The following RBM26 variants were observed in gnomAD, a reference collection of about 807,000 sequenced individuals.
RBM26 encodes the protein RNA-binding protein 26.
In RBM26, 30 loss-of-function variants were observed where a neutral mutation model predicts 123.6. The ratio of observed to expected loss-of-function variants is 0.24; its 90% CI spans 0.18 to 0.33. RBM26 has a LOEUF of 0.33. Among genes scored for constraint, RBM26 ranks in the 10% least tolerant of loss-of-function variants. The pLI, the probability that RBM26 is intolerant of heterozygous loss-of-function variation, is 1.00. For synonymous variants in RBM26, 400 were observed against 404.4 expected (o/e 0.99, Z 0.13); for missense variants, 947 against 1,203.6 (o/e 0.79, Z 3.15).
chr13:79,350,814 C>T (rs918484137), intron 14 of RBM26, among the ~76,000 whole-genome samples: 1 of 152,030 alleles, frequency 6.6e-6, no homozygotes, highest in Non-Finnish European at 1.5e-5. Flanking sequence ...CTTTGAATCA[C>T]TGCCCTGTAA....
chr13:79,400,852 G>A lies in RBM26; in HGVS notation c.71+4852C>T, dbSNP rs183680198. Among the ~76,000 whole-genome samples, 77 of 152,264 alleles carry A rather than the reference G, an allele frequency of 5.1e-4. 1 individual carries two copies. The Middle Eastern group carries it at 0.01, about 20-fold the overall frequency. Reference sequence around the variant, plus strand: ...ATTTTGGTTGTAATTATATTACAACGAAGAAATTCTATTCCAAGACATTAA... The same window carrying A: ...ATTTTGGTTGTAATTATATTACAACAAAGAAATTCTATTCCAAGACATTAA... On this transcript the variant is annotated intron_variant, in intron 1 of 21. Transcript: ENST00000438737.
At chr13:79,345,073 C>T (rs2072085701) in intron 14 of RBM26, among the ~76,000 whole-genome samples, 1 of 152,036 alleles carries the variant, frequency 6.6e-6, no homozygotes, top group Non-Finnish European at 1.5e-5. Context: ...ATTACTATTA[C>T]TACATCACTG....
rs751961766 is a variant in RBM26 at position 79,378,792 on chromosome 13, T to G, written c.187A>C (p.Lys63Gln). 1 of 1,556,480 alleles carries G rather than the reference T, an allele frequency of 6.4e-7. No homozygotes were observed. Among genetic ancestry groups the G allele is most frequent in the Non-Finnish European group, 8.8e-7 (1 of 1,134,066 alleles). Residue 63 changes from lysine (K) to glutamine (Q), a missense_variant, in exon 2 of 22, where the codon AAA (lysine) becomes CAA (glutamine). Around this residue, in one of 5 missense-constraint regions of RBM26, gnomAD observed 275 missense variants for 361.0 expected, o/e 0.76. Coordinates refer to ENST00000438737, the MANE Select transcript of RBM26 (RefSeq NM_001366735.2). ...CIDQLDVFLQKETQIFVEKLF... is the reference protein window; with the variant it reads ...CIDQLDVFLQQETQIFVEKLF... Reference sequence around the variant, plus strand: ...ATTTTTAAACCAAAGATCTTACCTTTCTGAAGAAATACATCCAGCTGATCA... The same window carrying G: ...ATTTTTAAACCAAAGATCTTACCTTGCTGAAGAAATACATCCAGCTGATCA...
Position 79,354,544 on chromosome 13 carries a change from GGGCTGCTGGACTAAA to G in RBM26, c.1866_1880del (p.Leu623_Pro627del). 1 of 1,604,928 alleles carries G rather than the reference GGGCTGCTGGACTAAA, an allele frequency of 6.2e-7. No homozygotes were observed. The highest frequency in any genetic ancestry group is 8.5e-7 in the Non-Finnish European group (1 of 1,173,972). On this transcript the variant is annotated inframe_deletion, in exon 13 of 22. Transcript: ENST00000438737. ...CTGACTGCTTCACAACAGGCAAAATGGGCTGCTGGACTAAAGGCTGCATTACCTCAGAACAAGGAA... is the reference window on the plus strand; with the variant it reads ...CTGACTGCTTCACAACAGGCAAAATGGGCTGCATTACCTCAGAACAAGGAA...
At chr13:79,362,661 G>A (rs774483503) in intron 9 of RBM26, among the ~76,000 whole-genome samples, 3 of 152,156 alleles carry the variant, frequency 2.0e-5, no homozygotes, top group Non-Finnish European at 4.4e-5. Flanking sequence ...TGTCTCCCAA[G>A]TCTGGTTCAC....
intron 20 of RBM26, among the ~76,000 whole-genome samples, chr13:79,324,849 T>C (rs1357728024): frequency 6.6e-6 from 1 of 152,000 alleles, no homozygotes; most frequent in African/African-American, 2.4e-5. Context: ...GCTGTCTTTT[T>C]TCCAAATAGC....
chr13:79,396,434 T>C (rs1472050015), intron 1 of RBM26, among the ~76,000 whole-genome samples: 1 of 152,102 alleles, frequency 6.6e-6, no homozygotes, highest in East Asian at 1.9e-4. Context: ...AAAGGAAGCA[T>C]CACAATAAAT....
chr13:79,320,352 C>A lies in RBM26; in HGVS notation c.*269G>T. On this transcript the variant is annotated 3_prime_UTR_variant, in exon 22 of 22. Transcript: ENST00000438737. ...TAAATTACAAAGAACCCAAAGAATT[C>A]TGTGATGTCCAGTAGAAGTATGTAA... 1.9e-6 allele frequency: 2 copies of A among 1,055,708 alleles called. No individual in the cohort carries two copies. Among genetic ancestry groups the A allele is most frequent in the Non-Finnish European group, 2.3e-6 (2 of 874,100 alleles). 65.4% of individuals were successfully genotyped at this position (1,055,708 alleles called of 1,614,324 possible).
chr13:79,391,955 A>G (rs1254341536), intron 1 of RBM26, among the ~76,000 whole-genome samples: 1 of 146,866 alleles, frequency 6.8e-6, no homozygotes, highest in Non-Finnish European at 1.5e-5. Context: ...ATTATACAAG[A>G]ATACATAATT....
intron 13 of RBM26, 65 bp downstream of exon 13, chr13:79,354,374 A>T: frequency 7.7e-7 from 1 of 1,294,850 alleles, no homozygotes; most frequent in South Asian, 2.4e-5. Context: ...TATAATTCAA[A>T]TCACCAAGGG....
At chr13:79,391,541 A>C (rs554672406) in intron 1 of RBM26, among the ~76,000 whole-genome samples, 9 of 152,218 alleles carry the variant, frequency 5.9e-5, no homozygotes, top group African/African-American at 2.2e-4. Context: ...CTCCTGCTTC[A>C]GCTTCCCCTG....
rs763682411 is a variant in RBM26, at chr13:79,358,315, T to C, written c.1648A>G (p.Asn550Asp). The C allele has an allele frequency of 6.2e-7, 1 of 1,610,262 alleles. No homozygotes were observed. Among genetic ancestry groups the C allele is most frequent in the Non-Finnish European group, 8.5e-7 (1 of 1,178,842 alleles). The change falls in exon 11 of 22, where the codon AAT becomes GAT. Residue 550 changes from asparagine to aspartate, a missense_variant. Asn to Asp is a conservative substitution (Grantham distance 23). This residue lies in a region of RBM26 where 493 missense variants were observed against 563.1 expected (regional missense o/e 0.88). Transcript: ENST00000438737. ...PPELNNISKL[N>D]EHFSRFGTLV... ...GTTCCAAATCGACTAAAATGTTCATTAAGTTTGCTGATATTATTTAATTCT... is the reference window on the plus strand; with the variant it reads ...GTTCCAAATCGACTAAAATGTTCATCAAGTTTGCTGATATTATTTAATTCT...
At chr13:79,343,604 G>C (rs1337086681) in intron 16 of RBM26, among the ~76,000 whole-genome samples, 1 of 151,738 alleles carries the variant, frequency 6.6e-6, no homozygotes, top group East Asian at 1.9e-4. Context: ...ATAAATTAGA[G>C]TAACTCAGTC....
intron 20 of RBM26, among the ~76,000 whole-genome samples, chr13:79,325,376 C>G (rs1001046858): frequency 3.9e-5 from 6 of 152,052 alleles, no homozygotes; most frequent in African/African-American, 1.4e-4. Context: ...GTGTGTGTTA[C>G]TGCCCCTCAA....
chr13:79,390,142 T>A (rs2077827136), intron 1 of RBM26, among the ~76,000 whole-genome samples: 1 of 152,168 alleles, frequency 6.6e-6, no homozygotes. Flanking sequence ...CTGTTTAAAT[T>A]TTTATTAGAA....
At chr13:79,353,894 G>A (rs567196447) in intron 13 of RBM26, among the ~76,000 whole-genome samples, 35 of 152,286 alleles carry the variant, frequency 2.3e-4, no homozygotes, top group Non-Finnish European at 4.7e-4. Flanking sequence ...AAGGAAGTGG[G>A]AAGGAAATGA....
rs773278972 is a variant in RBM26 at position 79,341,129 on chromosome 13, C to T, written c.2526G>A (p.Gln842=). ...TAGTTGTGATTAAACATACTTCCAGCTGTAATTCTGTATACTTTCTCCTAA... is the reference window on the plus strand; with the variant it reads ...TAGTTGTGATTAAACATACTTCCAGTTGTAATTCTGTATACTTTCTCCTAA... ...TELRRKYTEL[Q]LEAAKRGILS... Residue 842 remains glutamine (Q), a synonymous_variant, in exon 18 of 22, where the codon CAG becomes CAA. Transcript: ENST00000438737. 6 of 1,590,352 alleles carry T rather than the reference C, an allele frequency of 3.8e-6. No individual in the cohort carries two copies. In the South Asian group the frequency reaches 5.5e-5, roughly 15 times the overall value.
At position 79,358,436 on chromosome 13, in the gene RBM26, G is replaced by A; in HGVS notation, c.1530-3C>T. The A allele has an allele frequency of 6.2e-7, 1 of 1,603,788 alleles. No homozygotes were observed. Among genetic ancestry groups the A allele is most frequent in the Non-Finnish European group, 8.5e-7 (1 of 1,176,548 alleles). On this transcript the variant is annotated splice_polypyrimidine_tract_variant and splice_region_variant and intron_variant, in intron 10 of 21. Transcript: ENST00000438737. ...TGTTTGTTCTATTAAAATTTGGTCT[G>A]CAAACAAAATTCAAGTTAGTCAATA...
At chr13:79,326,386 T>C (rs116445673) in intron 20 of RBM26, among the ~76,000 whole-genome samples, 315 of 152,262 alleles carry the variant, frequency 2.1e-3, no homozygotes, top group African/African-American at 7.2e-3. Context: ...TTAAATGTGC[T>C]CTACAGGATG....
Sources: allele counts gnomAD v4.1 joint callset (sites outside exome capture counted in the v4.1 genomes callset), GRCh38; gene constraint gnomAD v4.1.1; regional missense constraint gnomAD v4.1.1; transcripts MANE v1.5; gene names NCBI Gene and HGNC (gene_info 2026-07-23, HGNC 2026-07-21).